The following SLC9A8 variants were observed in gnomAD, a reference collection of about 807,000 sequenced individuals.
The protein encoded by SLC9A8 is solute carrier family 9 member A8, also known as sodium/hydrogen exchanger 8.
A neutral mutation model predicts 66.6 loss-of-function variants in SLC9A8; 48 were observed. The observed-to-expected ratio is 0.72, with a 90% CI of 0.57 to 0.92. The LOEUF (loss-of-function observed/expected upper bound fraction) is 0.92, where lower values mean the gene tolerates loss of function less well. Ranked by LOEUF, SLC9A8 falls within the 40% of genes least tolerant of loss-of-function variation. The probability of loss-of-function intolerance (pLI) is 0.00; values close to 1 mark genes in which losing one functional copy is unlikely to be tolerated. For synonymous variants in SLC9A8, 274 were observed against 282.6 expected, an observed-to-expected ratio of 0.97 and a Z score of 0.31; for missense variants, 599 against 747.3, an observed-to-expected ratio of 0.80 and a Z score of 2.31.
chr20:49,825,806 C>T (rs909441020), intron 3 of SLC9A8, among the ~76,000 whole-genome samples: 6 of 152,218 alleles, frequency 3.9e-5, no homozygotes, highest in South Asian at 2.1e-4. Context: ...TCCCCGGCTT[C>T]GCTGTCAGGC....
intron 2 of SLC9A8, 23 bp downstream of exon 2, chr20:49,815,212 C>G (rs754594224): frequency 1.3e-6 from 2 of 1,486,782 alleles, no homozygotes; most frequent in Non-Finnish European, 1.8e-6. Flanking sequence ...ACTGTCATCC[C>G]CATCATCTGC....
intron 4 of SLC9A8, among the ~76,000 whole-genome samples, chr20:49,842,003 G>T (rs2087782899): frequency 6.6e-6 from 1 of 151,994 alleles, no homozygotes; most frequent in Admixed American, 6.6e-5. Flanking sequence ...GCCTTCCAAA[G>T]TGTTAGGATT....
chr20:49,815,118 A>G lies in SLC9A8; in HGVS notation c.137A>G (p.Gln46Arg), dbSNP rs2086502245. ...PTPGKPILPV[Q>R]TGEQAQQEEQ... is the part of the protein sequence containing the mutation. ...CCTGGCAAGCCCATCCTCCCCGTGC[A>G]GACAGGGGAGCAGGCCCAGCAAGAG... Residue 46 changes from glutamine to arginine, a missense_variant, in exon 2 of 16, where the codon CAG becomes CGG. Coordinates refer to ENST00000361573, the MANE Select transcript of SLC9A8 (RefSeq NM_015266.3). 1.9e-6 allele frequency: 3 copies of G among 1,608,908 alleles called. No homozygotes were observed. Among genetic ancestry groups the G allele is most frequent in the Middle Eastern group, 1.7e-4 (1 of 6,048 alleles).
At chr20:49,838,106 T>C (rs937426562) in intron 3 of SLC9A8, among the ~76,000 whole-genome samples, 1 of 152,060 alleles carries the variant, frequency 6.6e-6, no homozygotes, top group African/African-American at 2.4e-5. Flanking sequence ...GAGTTAAATA[T>C]ATGTAAGAGG....
chr20:49,887,863 T>TCAC lies in SLC9A8; in HGVS notation c.1676_1678dup (p.Thr559dup), dbSNP rs767575549. ...CACGGGCGCATCCAGATGAAAACTC[T>TCAC]CACCAACAAGTGGTACGAGGAGGTA... On this transcript the variant is annotated inframe_insertion, in exon 16 of 16. Transcript: ENST00000361573. 1.2e-6 allele frequency: 2 copies of TCAC among 1,612,716 alleles called. No homozygotes were observed. The highest frequency in any genetic ancestry group is 3.3e-5 in the Admixed American group (2 of 59,830).
intron 11 of SLC9A8, among the ~76,000 whole-genome samples, chr20:49,877,503 G>C (rs1244181545): frequency 1.3e-5 from 2 of 152,108 alleles, no homozygotes; most frequent in African/African-American, 4.8e-5. Context: ...TGCAAATCCT[G>C]CTGGGTGTGA....
At chr20:49,867,757 G>GTTTCATATCTTGTATCA (rs1439766386) in intron 10 of SLC9A8, among the ~76,000 whole-genome samples, 24 of 152,144 alleles carry the variant, frequency 1.6e-4, no homozygotes, top group Non-Finnish European at 3.1e-4. Context: ...AAATAGTTTT[G>GTTTCATATCTTGTATCA]TTTCATATCT....
intron 8 of SLC9A8, among the ~76,000 whole-genome samples, chr20:49,856,063 G>C (rs1188934311): frequency 1.2e-4 from 18 of 152,178 alleles, no homozygotes; most frequent in Admixed American, 1.2e-3. Context: ...AAAGTGCTGG[G>C]ATTACAGGTG....
chr20:49,864,659 G>T, intron 9 of SLC9A8, 80 bp from the exon 10 acceptor site: 1 of 905,714 alleles, frequency 1.1e-6, no homozygotes, highest in South Asian at 1.3e-5. Flanking sequence ...TCATATATTT[G>T]GAAAGCAGCA....
intron 3 of SLC9A8, among the ~76,000 whole-genome samples, chr20:49,837,371 C>T (rs6095682): frequency 0.014 from 2,126 of 152,254 alleles, 47 homozygotes; most frequent in African/African-American, 0.049. Flanking sequence ...AACTTCCTAA[C>T]TTGACTGAGA....
At chr20:49,838,817 A>G (rs11086298) in intron 3 of SLC9A8, among the ~76,000 whole-genome samples, 10,675 of 152,172 alleles carry the variant, frequency 0.07, 535 homozygotes, top group Non-Finnish European at 0.11. Flanking sequence ...CTACCCTACA[A>G]TGAGTAGGTC....
intron 3 of SLC9A8, chr20:49,830,552 G>A (rs948880655): frequency 4.7e-6 from 3 of 632,538 alleles, no homozygotes; most frequent in Admixed American, 5.5e-5. Flanking sequence ...GGGTGATTGC[G>A]TCCAGGTCGG....
At chr20:49,830,176 C>A in intron 3 of SLC9A8, 2 of 771,290 alleles carry the variant, frequency 2.6e-6, no homozygotes, top group Non-Finnish European at 4.8e-6. Flanking sequence ...ACTGGTTCCA[C>A]CTCCATCCGG....
intron 10 of SLC9A8, among the ~76,000 whole-genome samples, chr20:49,865,541 C>T (rs1389461507): frequency 6.6e-6 from 1 of 152,098 alleles, no homozygotes; most frequent in Non-Finnish European, 1.5e-5. Flanking sequence ...CCCTGCACCC[C>T]ATTGGAGGAG....
chr20:49,813,734 A>G lies in SLC9A8; in HGVS notation c.26+786A>G, dbSNP rs2086446116. Among the ~76,000 whole-genome samples the G allele has an allele frequency of 2.6e-5, 4 of 152,240 alleles. No homozygotes were observed. In the South Asian group the frequency reaches 8.3e-4, roughly 31 times the overall value. The stretch of plus-strand genomic sequence containing the variant: ...GTCCACTCAGGAAAAAGTGACATTC[A>G]GCAGAAACTTGAATGACCAGAATGA... On this transcript the variant is annotated intron_variant, in intron 1 of 15. Transcript: ENST00000361573.
intron 3 of SLC9A8, among the ~76,000 whole-genome samples, chr20:49,834,355 T>C (rs2087389587): frequency 1.5e-5 from 1 of 67,050 alleles, no homozygotes; most frequent in African/African-American, 5.6e-5. Context: ...ATACTGTATA[T>C]ATATATATAC....
Position 49,886,758 on chromosome 20 carries a change from A to G in SLC9A8, c.1498A>G (p.Thr500Ala), listed in dbSNP as rs1409458805. The G allele has an allele frequency of 1.2e-6, 2 of 1,613,782 alleles. No homozygotes were observed. The highest frequency in any genetic ancestry group is 2.7e-5 in the African/African-American group (2 of 74,918). Reference sequence around the variant, plus strand: ...GCCTTTCCTCCCTGCTCAGGGCAACACTGTGGAGTCGGAGCACCTGTCGGA... The same window carrying G: ...GCCTTTCCTCCCTGCTCAGGGCAACGCTGTGGAGTCGGAGCACCTGTCGGA... ...NLSKTEKMGNTVESEHLSELT... is the reference protein window; with the variant it reads ...NLSKTEKMGNAVESEHLSELT... Residue 500 changes from threonine to alanine, a missense_variant, in exon 15 of 16, where the codon ACT (threonine) becomes GCT (alanine). Physicochemically the swap from Thr to Ala is moderately conservative, Grantham distance 58. Transcript: ENST00000361573. This position sits in a 1 kb window ranked among gnomAD's most constrained non-coding sequence, Gnocchi z 4.8.
rs954499418 is a variant in SLC9A8 at position 49,862,841 on chromosome 20, C to T, written c.714-88C>T. On this transcript the variant is annotated intron_variant, in intron 8 of 15. Coordinates refer to ENST00000361573, the MANE Select transcript of SLC9A8 (RefSeq NM_015266.3). ...TGGTATGAATGAATGAATGAATGAG[C>T]GAATAAGCAAGAAATGTTTTAAGTT... 3.4e-5 allele frequency: 36 copies of T among 1,055,134 alleles called. 1 individual carries two copies. The South Asian group carries it at 3.7e-4, about 11-fold the overall frequency. The allele number at this position is 1,055,134 out of a possible 1,614,324, so 65.4% of individuals were successfully genotyped here.
At chr20:49,848,074 T>C (rs610304) in intron 5 of SLC9A8, among the ~76,000 whole-genome samples, 139,828 of 151,952 alleles carry the variant, frequency 0.92, 64,485 homozygotes, top group African/African-American at 0.97. Flanking sequence ...TACAGGCGTC[T>C]ATAACCACAC....
Sources: allele counts gnomAD v4.1 joint callset (sites outside exome capture counted in the v4.1 genomes callset), GRCh38; gene constraint gnomAD v4.1.1; non-coding constraint Gnocchi (gnomAD v3.1); transcripts MANE v1.5; gene names NCBI Gene and HGNC (gene_info 2026-07-23, HGNC 2026-07-21).